CYP1A2: variants seen among roughly 807,000 people sequenced by gnomAD.
CYP1A2 encodes the protein cytochrome P450 1A2.
In CYP1A2, 35 loss-of-function variants were observed where a neutral mutation model predicts 34.7. The ratio of observed to expected loss-of-function variants is 1.01; its 90% CI spans 0.77 to 1.34. CYP1A2 has a LOEUF of 1.34. CYP1A2 is among the 40% of genes most tolerant of loss of function. The pLI is 0.00. For missense variants in CYP1A2, 675 were observed against 675.8 expected (o/e 1.00, Z 0.01); for synonymous variants, 288 against 281.9 (o/e 1.02, Z -0.22).
rs2063330951 is a variant in CYP1A2 at position 74,754,873 on chromosome 15, G to A, written c.1336G>A (p.Glu446Lys). ...DGTAINKPLSEKMMLFGMGKR... is the reference protein window; with the variant it reads ...DGTAINKPLSKKMMLFGMGKR... Reference sequence around the variant, plus strand: ...CACTGCCATTAACAAGCCCTTGAGTGAGAAGATGATGCTGTTTGGCATGGG... The same window carrying A: ...CACTGCCATTAACAAGCCCTTGAGTAAGAAGATGATGCTGTTTGGCATGGG... The change falls in exon 7 of 7, where the codon GAG becomes AAG. Residue 446 changes from glutamate (E) to lysine (K), a missense_variant. By Grantham distance (56) the Glu-to-Lys change is moderately conservative. Coordinates refer to ENST00000343932, the MANE Select transcript of CYP1A2 (RefSeq NM_000761.5). 4 of 1,614,240 alleles carry A rather than the reference G, an allele frequency of 2.5e-6. No individual in the cohort carries two copies. The highest frequency in any genetic ancestry group is 3.4e-6 in the Non-Finnish European group (4 of 1,180,046).
intron 5 of CYP1A2, 36 bp downstream of exon 5, chr15:74,752,283 G>A: frequency 6.2e-7 from 1 of 1,609,648 alleles, no homozygotes; most frequent in Non-Finnish European, 8.5e-7. Flanking sequence ...CACCTCTAAA[G>A]TGCTTGCCAT....
chr15:74,752,210 C>T lies in CYP1A2; in HGVS notation c.1129C>T (p.Arg377Ter), dbSNP rs762793689. ...GGAGGCCTTCATCCTGGAGACCTTC[C>T]GACACTCCTCCTTCTTGCCCTTCAC... Reference protein sequence around the residue: ...YLEAFILETFRHSSFLPFTIP... With the variant: ...YLEAFILETF Residue 377 changes from arginine to a stop codon, truncating the protein, a stop_gained, in exon 5 of 7, where the codon CGA becomes TGA. Coordinates refer to ENST00000343932, the MANE Select transcript of CYP1A2 (RefSeq NM_000761.5). LOFTEE classifies it high-confidence loss of function. The T allele has an allele frequency of 3.2e-5, 51 of 1,613,874 alleles. No individual in the cohort carries two copies. Among genetic ancestry groups the T allele is most frequent in the East Asian group, 1.3e-4 (6 of 44,898 alleles).
chr15:74,749,468 G>C (rs1295395920), intron 1 of CYP1A2, among the ~76,000 whole-genome samples: 4 of 152,192 alleles, frequency 2.6e-5, no homozygotes. Context: ...CCCAGAAGTG[G>C]AAACTGAGAT....
Position 74,753,127 on chromosome 15 carries a change from C to T in CYP1A2, c.1167-57C>T, listed in dbSNP as rs1268599009. 2.8e-6 allele frequency: 4 copies of T among 1,432,496 alleles called. No homozygotes were observed. The African/African-American group carries it at 5.6e-5, about 20-fold the overall frequency. 88.7% of individuals were successfully genotyped at this position (1,432,496 alleles called of 1,614,324 possible). A position where few individuals can be genotyped will look rare whatever the true frequency, so the allele number is the denominator to read the frequency against. On this transcript the variant is annotated intron_variant, in intron 5 of 6. Transcript: ENST00000343932. ...TGTCTGGATGGGGTGGAGGTAGGAG[C>T]AACACATGCCCCAGCTTTCCAGCCC... is the stretch of plus-strand genomic sequence containing the variant.
At position 74,751,284 on chromosome 15, in the gene CYP1A2, C is replaced by T. The variant is rs755877881; in HGVS notation, c.927C>T (p.Asn309=). 6.2e-7 allele frequency: 1 copy of T among 1,614,138 alleles called. No homozygotes were observed. The highest frequency in any genetic ancestry group is 2.2e-5 in the East Asian group (1 of 44,894). Residue 309 remains asparagine, a synonymous_variant, in exon 3 of 7, where the codon AAC becomes AAT. Transcript: ENST00000343932. ...TCATCCCACAGGAGAAGATTGTCAACCTTGTCAATGACATCTTTGGAGCAG... is the reference window on the plus strand; with the variant it reads ...TCATCCCACAGGAGAAGATTGTCAATCTTGTCAATGACATCTTTGGAGCAG... The part of the protein sequence containing the change: ...GNLIPQEKIV[N]LVNDIFGAGF...
Position 74,750,282 on chromosome 15 carries a change from G to C in CYP1A2, c.544G>C (p.Gly182Arg). ...CAGCAGGTTGCAGGAGCTGATGGCAGGGCCTGGGCACTTCGACCCTTACAA... is the reference window on the plus strand; with the variant it reads ...CAGCAGGTTGCAGGAGCTGATGGCACGGCCTGGGCACTTCGACCCTTACAA... ...LISRLQELMA[G>R]PGHFDPYNQV... The change falls in exon 2 of 7, where the codon GGG (glycine) becomes CGG (arginine). Residue 182 changes from glycine (G) to arginine (R), a missense_variant. By Grantham distance (125) the Gly-to-Arg change is moderately radical. Transcript: ENST00000343932. The C allele has an allele frequency of 6.2e-7, 1 of 1,614,248 alleles. No homozygotes were observed. The highest frequency in any genetic ancestry group is 8.5e-7 in the Non-Finnish European group (1 of 1,180,050).
At chr15:74,754,645 G>A in intron 6 of CYP1A2, 146 bp from the exon 7 acceptor site, 1 of 701,282 alleles carries the variant, frequency 1.4e-6, no homozygotes, top group Non-Finnish European at 2.4e-6. Flanking sequence ...AAGCATCAAA[G>A]TTCAGTTTGG....
chr15:74,755,835 T>G lies in CYP1A2; in HGVS notation c.*747T>G, dbSNP rs1486055167. ...TTAATTTTATTATTCTTATTATTTT[T>G]GAGACAGAGTCTTACTCTGTTGCCA... is the stretch of plus-strand genomic sequence containing the variant. On this transcript the variant is annotated 3_prime_UTR_variant, in exon 7 of 7. Transcript: ENST00000343932. The G allele has an allele frequency of 1.3e-5, 2 of 150,826 alleles. No homozygotes were observed. Among genetic ancestry groups the G allele is most frequent in the East Asian group, 4.0e-4 (2 of 5,042 alleles). 9.3% of individuals were successfully genotyped at this position (150,826 alleles called of 1,614,324 possible).
chr15:74,751,098 C>A, intron 2 of CYP1A2, 91 bp from the exon 3 acceptor site: 1 of 1,534,378 alleles, frequency 6.5e-7, no homozygotes, highest in South Asian at 1.3e-5. Context: ...GGGGGGTACC[C>A]AGCCACCAGG....
Position 74,756,075 on chromosome 15 carries a change from A to G in CYP1A2, c.*987A>G, listed in dbSNP as rs1283496684. The G allele has an allele frequency of 6.6e-6, 1 of 150,404 alleles. No homozygotes were observed. The highest frequency in any genetic ancestry group is 1.5e-5 in the Non-Finnish European group (1 of 67,896). The allele number at this position is 150,404 out of a possible 1,614,324, so 9.3% of individuals were successfully genotyped here. On this transcript the variant is annotated 3_prime_UTR_variant, in exon 7 of 7. Coordinates refer to ENST00000343932, the MANE Select transcript of CYP1A2 (RefSeq NM_000761.5). ...CGTGATCCACCCGCCTCAGCCTCCC[A>G]AAGTGCTGGGATTAACAGGTATGAA...
Position 74,750,036 on chromosome 15 carries a change from C to A in CYP1A2, c.298C>A (p.Arg100=), listed in dbSNP as rs145266863. ...GGACACCATCCGGCAGGCCCTGGTG[C>A]GGCAGGGCGACGATTTCAAGGGCCG... The part of the protein sequence containing the change: ...RLDTIRQALV[R]QGDDFKGRPD... The change falls in exon 2 of 7, where the codon CGG becomes AGG. Residue 100 remains arginine (R), a synonymous_variant. Transcript: ENST00000343932. 19 of 1,613,918 alleles carry A rather than the reference C, an allele frequency of 1.2e-5. No individual in the cohort carries two copies. Among genetic ancestry groups the A allele is most frequent in the Non-Finnish European group, 1.4e-5 (17 of 1,180,032 alleles).
chr15:74,750,452 C>A lies in CYP1A2; in HGVS notation c.714C>A (p.Phe238Leu). The change falls in exon 2 of 7, where the codon TTC (phenylalanine) becomes TTA (leucine). Residue 238 changes from phenylalanine to leucine, a missense_variant. Coordinates refer to ENST00000343932, the MANE Select transcript of CYP1A2 (RefSeq NM_000761.5). Reference protein sequence around the residue: ...ETASSGNPLDFFPILRYLPNP... With the variant: ...ETASSGNPLDLFPILRYLPNP... ...CCTCCTCCGGGAACCCCCTGGACTT[C>A]TTCCCCATCCTTCGCTACCTGCCTA... The A allele has an allele frequency of 6.2e-7, 1 of 1,614,202 alleles. No individual in the cohort carries two copies. The highest frequency in any genetic ancestry group is 8.5e-7 in the Non-Finnish European group (1 of 1,180,032).
Position 74,750,043 on chromosome 15 carries a change from G to A in CYP1A2, c.305G>A (p.Gly102Asp). 2 of 1,613,998 alleles carry A rather than the reference G, an allele frequency of 1.2e-6. No homozygotes were observed. The highest frequency in any genetic ancestry group is 1.7e-6 in the Non-Finnish European group (2 of 1,180,012). ...ATCCGGCAGGCCCTGGTGCGGCAGG[G>A]CGACGATTTCAAGGGCCGGCCTGAC... The part of the protein sequence containing the change: ...DTIRQALVRQ[G>D]DDFKGRPDLY... The change falls in exon 2 of 7, where the codon GGC becomes GAC. Residue 102 changes from glycine (G) to aspartate (D), a missense_variant. Coordinates refer to ENST00000343932, the MANE Select transcript of CYP1A2 (RefSeq NM_000761.5).
Position 74,751,176 on chromosome 15 carries a change from T to G in CYP1A2, c.832-13T>G. 1 of 1,613,758 alleles carries G rather than the reference T, an allele frequency of 6.2e-7. No individual in the cohort carries two copies. The highest frequency in any genetic ancestry group is 8.5e-7 in the Non-Finnish European group (1 of 1,179,830). ...GAAGTGCCAGAGGTGCCCCTAAGCT[T>G]GTGCCCCCTCAGAACAGTGTCCGGG... is the stretch of plus-strand genomic sequence containing the variant. On this transcript the variant is annotated splice_polypyrimidine_tract_variant and intron_variant, in intron 2 of 6. Transcript: ENST00000343932.
intron 5 of CYP1A2, among the ~76,000 whole-genome samples, chr15:74,752,450 C>T (rs1235127352): frequency 6.6e-6 from 1 of 152,170 alleles, no homozygotes; most frequent in Non-Finnish European, 1.5e-5. Flanking sequence ...TCTCAGCGCT[C>T]ATTCCCCTCT....
In CYP1A2 at chr15:74,749,879, C is replaced by T. The variant is rs200749915; in HGVS notation, c.141C>T (p.Gly47=). ...KGLKSPPEPW[G]WPLLGHVLTL... The stretch of plus-strand genomic sequence containing the variant: ...TGAAAAGTCCACCAGAGCCATGGGG[C>T]TGGCCCTTGCTCGGGCATGTGCTGA... Residue 47 remains glycine (G), a synonymous_variant, in exon 2 of 7, where the codon GGC becomes GGT. Transcript: ENST00000343932. 67 of 1,608,898 alleles carry T rather than the reference C, an allele frequency of 4.2e-5. 1 individual carries two copies. The East Asian group carries it at 6.7e-4, about 16-fold the overall frequency.
chr15:74,749,825 G>C lies in CYP1A2; in HGVS notation c.87G>C (p.Lys29Asn). 6.2e-7 allele frequency: 1 copy of C among 1,602,946 alleles called. No homozygotes were observed. The highest frequency in any genetic ancestry group is 8.5e-7 in the Non-Finnish European group (1 of 1,172,570). The change falls in exon 2 of 7, where the codon AAG (lysine) becomes AAC (asparagine). Residue 29 changes from lysine (K) to asparagine (N), a missense_variant. Transcript: ENST00000343932. Reference protein sequence around the residue: ...AIFCLVFWVLKGLRPRVPKGL... With the variant: ...AIFCLVFWVLNGLRPRVPKGL... ...TCTGCCTGGTATTCTGGGTGCTCAAGGGTTTGAGGCCTCGGGTCCCCAAAG... is the reference window on the plus strand; with the variant it reads ...TCTGCCTGGTATTCTGGGTGCTCAACGGTTTGAGGCCTCGGGTCCCCAAAG...
At position 74,755,358 on chromosome 15, in the gene CYP1A2, AAAAC is replaced by A. The variant is rs1201346796; in HGVS notation, c.*282_*285del. On this transcript the variant is annotated 3_prime_UTR_variant, in exon 7 of 7. Transcript: ENST00000343932. ...AGAGCAAGACCCCATCTCAAAAAAAAAAACAAACAAACAAAAAAAAAACCATATA... is the reference window on the plus strand; with the variant it reads ...AGAGCAAGACCCCATCTCAAAAAAAAAAACAAACAAAAAAAAAACCATATA... The A allele has an allele frequency of 8.7e-4, 260 of 299,772 alleles. 2 individuals carry two copies. The highest frequency in any genetic ancestry group is 3.1e-3 in the African/African-American group (134 of 43,898). 18.6% of individuals were successfully genotyped at this position (299,772 alleles called of 1,614,324 possible).
At chr15:74,754,427 CAAAAAAA>C (rs61283447) in intron 6 of CYP1A2, among the ~76,000 whole-genome samples, 5 of 52,206 alleles carry the variant, frequency 9.6e-5, no homozygotes, top group Non-Finnish European at 1.3e-4. Context: ...CCCGTCTCTG[CAAAAAAA>C]AAAAAAAAAA....
Sources: gnomAD v4.1 joint callset for allele counts (sites outside exome capture counted in the v4.1 genomes callset) on GRCh38, gnomAD v4.1.1 for gene constraint, MANE v1.5 for transcripts, NCBI Gene and HGNC (gene_info 2026-07-23, HGNC 2026-07-21) for gene names.